The following PATJ variants were observed in gnomAD, a reference collection of about 807,000 sequenced individuals.
PATJ encodes the protein inaD-like protein.
A neutral mutation model predicts 224.9 loss-of-function variants in PATJ; 190 were observed. That is an observed-to-expected ratio of 0.84 (90% confidence interval 0.75 to 0.95). The LOEUF is 0.95. PATJ is among the 40% of genes least tolerant of loss of function. PATJ has a pLI of 0.00. For missense variants in PATJ, 2,121 were observed against 2,270.3 expected, an observed-to-expected ratio of 0.93 and a Z score of 1.34; for synonymous variants, 769 against 820.3, an observed-to-expected ratio of 0.94 and a Z score of 1.07.
intron 36 of PATJ, among the ~76,000 whole-genome samples, 156 bp from the exon 37 acceptor site, chr1:62,116,976 C>T (rs528220215): frequency 3.3e-5 from 5 of 152,296 alleles, no homozygotes; most frequent in African/African-American, 1.2e-4. Flanking sequence ...ATGGGCCCTC[C>T]AGGAGCCACA....
At chr1:62,131,250 T>C (rs1180430399) in intron 41 of PATJ, among the ~76,000 whole-genome samples, 1 of 152,092 alleles carries the variant, frequency 6.6e-6, no homozygotes, top group African/African-American at 2.4e-5. Flanking sequence ...ATCCTTTGCT[T>C]TCTGAAATGG....
At chr1:61,899,858 C>T (rs1037121120) in intron 23 of PATJ, among the ~76,000 whole-genome samples, 4 of 152,178 alleles carry the variant, frequency 2.6e-5, no homozygotes, top group Non-Finnish European at 4.4e-5. Flanking sequence ...ATATTAGGAA[C>T]ATCTTTGATA....
chr1:61,801,900 C>T (rs1217292335), intron 12 of PATJ, 131 bp downstream of exon 12: 2 of 497,520 alleles, frequency 4.0e-6, no homozygotes, highest in Non-Finnish European at 6.6e-6. Flanking sequence ...TTCTTAATAT[C>T]AACTTTTTTT....
At chr1:62,051,377 A>G (rs1570338060) in intron 31 of PATJ, among the ~76,000 whole-genome samples, 1 of 152,090 alleles carries the variant, frequency 6.6e-6, no homozygotes, top group Non-Finnish European at 1.5e-5. Context: ...TGGCTGGAGC[A>G]CAGTGGTGCA....
intron 17 of PATJ, among the ~76,000 whole-genome samples, chr1:61,835,348 T>C (rs1660001057): frequency 6.6e-6 from 1 of 152,166 alleles, no homozygotes; most frequent in Non-Finnish European, 1.5e-5. Flanking sequence ...ATTTGCAGAA[T>C]GATTTAATAA....
intron 27 of PATJ, among the ~76,000 whole-genome samples, chr1:61,986,405 G>T (rs1259587189): frequency 6.6e-6 from 1 of 151,832 alleles, no homozygotes; most frequent in Admixed American, 6.6e-5. Flanking sequence ...TTCTCTTTTA[G>T]TTCTGTAATT....
At chr1:62,107,708 A>G (rs1318833683) in intron 33 of PATJ, among the ~76,000 whole-genome samples, 8 of 152,140 alleles carry the variant, frequency 5.3e-5, no homozygotes, top group Admixed American at 2.6e-4. Flanking sequence ...ACGTGGGTAC[A>G]TGTCATTTTT....
rs548136221 is a variant in PATJ at position 61,926,985 on chromosome 1, C to T, written c.3571-745C>T. ...CTATTCTTTTTAGCAGCTTGAGTCTCACCGTTGAGTTTGGCATGTTTTATT... is the reference window on the plus strand; with the variant it reads ...CTATTCTTTTTAGCAGCTTGAGTCTTACCGTTGAGTTTGGCATGTTTTATT... On this transcript the variant is annotated intron_variant, in intron 26 of 43. Coordinates refer to ENST00000642238, the MANE Select transcript of PATJ (RefSeq NM_001350145.3). 1.6e-3 allele frequency among the ~76,000 whole-genome samples: 240 copies of T among 152,250 alleles called. 1 individual carries two copies. Among genetic ancestry groups the T allele is most frequent in the African/African-American group, 5.4e-3 (226 of 41,562 alleles).
chr1:61,918,039 GAGA>G (rs1673698823), intron 26 of PATJ: 1 of 148,106 alleles, frequency 6.8e-6, no homozygotes, highest in African/African-American at 2.5e-5. Context: ...ACGACAGAGC[GAGA>G]CTCTGTCTCA....
intron 27 of PATJ, among the ~76,000 whole-genome samples, chr1:61,971,206 TAGAGTCTAGGTTCTTAACCCC>T (rs766874706): frequency 3.9e-5 from 6 of 152,230 alleles, no homozygotes; most frequent in Non-Finnish European, 5.9e-5. Context: ...GGCTAGAAAG[TAGAGTCTAGGTTCTTAACCCC>T]AAGTCATTGT....
At chr1:61,849,180 T>C (rs950593475) in intron 17 of PATJ, among the ~76,000 whole-genome samples, 7 of 152,248 alleles carry the variant, frequency 4.6e-5, no homozygotes, top group African/African-American at 1.7e-4. Context: ...GTTGTTTTGC[T>C]AGTCCTTCCT....
At chr1:61,906,420 G>A (rs1671865924) in intron 24 of PATJ, among the ~76,000 whole-genome samples, 2 of 151,970 alleles carry the variant, frequency 1.3e-5, no homozygotes, top group Non-Finnish European at 2.9e-5. Context: ...GCTATCCAGG[G>A]GATCTACCCC....
At chr1:61,922,416 G>C (rs1267509550) in intron 26 of PATJ, among the ~76,000 whole-genome samples, 57 of 152,094 alleles carry the variant, frequency 3.7e-4, no homozygotes, top group Admixed American at 3.7e-3. Context: ...GGAAGGGACT[G>C]GAATTTAAGC....
chr1:61,922,773 A>T (rs1674514929), intron 26 of PATJ, among the ~76,000 whole-genome samples: 1 of 152,240 alleles, frequency 6.6e-6, no homozygotes, highest in South Asian at 2.1e-4. Flanking sequence ...TGATGCAAAG[A>T]TGTGAACATT....
At chr1:62,046,657 T>G (rs1652626120) in intron 30 of PATJ, among the ~76,000 whole-genome samples, 1 of 152,158 alleles carries the variant, frequency 6.6e-6, no homozygotes, top group Non-Finnish European at 1.5e-5. Context: ...CATGCATAAT[T>G]AGGATACAAA....
At chr1:61,847,337 T>A (rs1662129812) in intron 17 of PATJ, among the ~76,000 whole-genome samples, 1 of 152,238 alleles carries the variant, frequency 6.6e-6, no homozygotes, top group Non-Finnish European at 1.5e-5. Flanking sequence ...TTTAGCAGGT[T>A]CCTTTGTCCA....
At chr1:61,750,692 C>T (rs1645275256) in intron 1 of PATJ, among the ~76,000 whole-genome samples, 1 of 151,804 alleles carries the variant, frequency 6.6e-6, no homozygotes, top group Non-Finnish European at 1.5e-5. Flanking sequence ...CTGCCTGCCT[C>T]GGCCTCCCAA....
intron 27 of PATJ, among the ~76,000 whole-genome samples, chr1:61,947,744 C>T (rs139629503): frequency 0.42 from 63,198 of 151,966 alleles, 14,201 homozygotes; most frequent in East Asian, 0.81. Context: ...CAAAAAAGAG[C>T]CCGCATTGCC....
intron 37 of PATJ, chr1:62,120,901 A>C (rs1664965943): frequency 2.8e-6 from 1 of 355,030 alleles, no homozygotes; most frequent in Non-Finnish European, 5.0e-6. Context: ...TATGTGGAGC[A>C]AGAACAGCTG....
Sources: allele counts gnomAD v4.1 joint callset (sites outside exome capture counted in the v4.1 genomes callset), GRCh38; gene constraint gnomAD v4.1.1; transcripts MANE v1.5; gene names NCBI Gene and HGNC (gene_info 2026-07-23, HGNC 2026-07-21).